Variants in LINGO2 observed in about 807,000 individuals in gnomAD.
LINGO2 encodes the protein leucine rich repeat and Ig domain containing 2.
Under a neutral mutation model 30.6 loss-of-function variants are expected in LINGO2, and 14 were observed. The ratio of observed to expected loss-of-function variants is 0.46; its 90% CI spans 0.30 to 0.72. The LOEUF (loss-of-function observed/expected upper bound fraction) is 0.72, where lower values mean the gene tolerates loss of function less well. LINGO2 is among the 30% of genes least tolerant of loss of function. LINGO2 has a pLI of 0.07. For missense variants in LINGO2, 729 were observed against 751.7 expected, an observed-to-expected ratio of 0.97 and a Z score of 0.35; for synonymous variants, 317 against 288.5, an observed-to-expected ratio of 1.10 and a Z score of -1.00.
At chr9:28,132,199 G>A (rs573498845) in intron 4 of LINGO2, among the ~76,000 whole-genome samples, 64 of 152,172 alleles carry the variant, frequency 4.2e-4, no homozygotes, top group Middle Eastern at 6.8e-3. Flanking sequence ...GTTCTATGTC[G>A]TCTATGTTTC....
At chr9:28,766,514 A>G in the LINGO2 span, among the ~76,000 whole-genome samples, 1 of 151,952 alleles carries the variant, frequency 6.6e-6, no homozygotes, top group African/African-American at 2.4e-5. Context: ...GAAAAATAAT[A>G]TAAAGATTCC....
rs115592906 is a variant in LINGO2, at chr9:27,999,904, A to C, written c.-36+12451T>G. On this transcript the variant is annotated intron_variant, in intron 5 of 5. Transcript: ENST00000379992. ...AATCACTTTTGCACCAACCTAATAA[A>C]AGGCAATAAAATGGATTTTAAATAA... Among the ~76,000 whole-genome samples, 467 of 152,270 alleles carry C rather than the reference A, an allele frequency of 3.1e-3. 2 individuals are homozygous for C. The highest frequency in any genetic ancestry group is 0.011 in the African/African-American group (447 of 41,568).
chr9:27,961,612 C>G (rs1819851293), intron 5 of LINGO2, among the ~76,000 whole-genome samples: 1 of 152,128 alleles, frequency 6.6e-6, no homozygotes, highest in Admixed American at 6.5e-5. Context: ...AATGGCAAGC[C>G]ATTAAAGTGT....
chr9:28,149,679 G>C (rs1434528046), intron 4 of LINGO2, among the ~76,000 whole-genome samples: 11 of 150,538 alleles, frequency 7.3e-5, no homozygotes. Flanking sequence ...TTACACTCTG[G>C]GAAGTGAGGA....
At chr9:28,606,810 T>A (rs988243005) in intron 1 of LINGO2, among the ~76,000 whole-genome samples, 5 of 152,086 alleles carry the variant, frequency 3.3e-5, no homozygotes, top group Non-Finnish European at 4.4e-5. Context: ...AATTGAATCA[T>A]AAAACGAGTT....
At position 28,537,880 on chromosome 9, in the gene LINGO2, A is replaced by C. The variant is rs566562277; in HGVS notation, c.-364-61855T>G. ...TCAAAAGTGTTAAATTAAAAAAAAA[A>C]AAAACTTAAACACTTCTTTTAGAAG... On this transcript the variant is annotated intron_variant, in intron 1 of 5. Coordinates refer to ENST00000379992, the Ensembl canonical transcript of LINGO2. 2.0e-4 allele frequency among the ~76,000 whole-genome samples: 30 copies of C among 152,032 alleles called. No individual in the cohort carries two copies. The South Asian group carries it at 6.2e-3, about 31-fold the overall frequency.
rs1712490847 is a variant in LINGO2, at chr9:28,513,265, T to C, written c.-364-37240A>G. Among the ~76,000 whole-genome samples, 5 of 152,338 alleles carry C rather than the reference T, an allele frequency of 3.3e-5. No individual in the cohort carries two copies. In the East Asian group the frequency reaches 9.6e-4, roughly 29 times the overall value. ...GTCAACCAATCTGCAATCAATGCAA[T>C]TTCTATTTATGCACTAACTACTATG... is the stretch of plus-strand genomic sequence containing the variant. On this transcript the variant is annotated intron_variant, in intron 1 of 5. Coordinates refer to ENST00000379992, the Ensembl canonical transcript of LINGO2.
the LINGO2 span, among the ~76,000 whole-genome samples, chr9:28,999,812 A>G: frequency 6.6e-6 from 1 of 152,018 alleles, no homozygotes; most frequent in Non-Finnish European, 1.5e-5. Context: ...TTCTCAGTAG[A>G]AAACATTTTT....
intron 1 of LINGO2, among the ~76,000 whole-genome samples, chr9:28,481,706 C>T (rs1314786716): frequency 2.6e-5 from 4 of 152,036 alleles, no homozygotes; most frequent in Non-Finnish European, 4.4e-5. Flanking sequence ...ATGTGCATTG[C>T]TGGTGCGCTG....
At chr9:29,204,913 G>A in the LINGO2 span, among the ~76,000 whole-genome samples, 1 of 152,144 alleles carries the variant, frequency 6.6e-6, no homozygotes, top group African/African-American at 2.4e-5. Context: ...TCACCATTAA[G>A]TATGATATTA....
intron 1 of LINGO2, among the ~76,000 whole-genome samples, chr9:28,567,727 G>A (rs1823456143): frequency 6.6e-6 from 1 of 151,886 alleles, no homozygotes; most frequent in African/African-American, 2.4e-5. Context: ...GGGTTCATTA[G>A]AAGCACAAAC....
the LINGO2 span, among the ~76,000 whole-genome samples, chr9:28,876,230 T>C: frequency 5.3e-4 from 81 of 151,982 alleles, no homozygotes; most frequent in African/African-American, 1.8e-3. Context: ...GCCTACGATA[T>C]AGTATTATTA....
intron 5 of LINGO2, among the ~76,000 whole-genome samples, chr9:27,987,135 C>T (rs1930008): frequency 0.39 from 59,862 of 151,618 alleles, 11,915 homozygotes; most frequent in African/African-American, 0.47. Flanking sequence ...TCAAGGGGTA[C>T]TTATGAGGAT....
chr9:28,489,975 T>C (rs1340311399), intron 1 of LINGO2, among the ~76,000 whole-genome samples: 1 of 151,126 alleles, frequency 6.6e-6, no homozygotes, highest in Non-Finnish European at 1.5e-5. Flanking sequence ...AAGTATATAA[T>C]TCCAATTAGC....
intron 1 of LINGO2, among the ~76,000 whole-genome samples, chr9:28,646,505 T>C (rs1031395886): frequency 3.3e-5 from 5 of 152,044 alleles, no homozygotes; most frequent in African/African-American, 7.2e-5. Context: ...AACCATTAAG[T>C]TGTAGTCTGG....
chr9:28,843,477 A>G, the LINGO2 span, among the ~76,000 whole-genome samples: 1 of 151,826 alleles, frequency 6.6e-6, no homozygotes, highest in East Asian at 1.9e-4. Flanking sequence ...AGATAATGGC[A>G]AAGAGAAGAA....
chr9:28,147,230 G>C lies in LINGO2; in HGVS notation c.-86-134825C>G, dbSNP rs1827838813. ...AAATAAGAATAGATGTTGTATCCAT[G>C]ATCATGAGGCACACAGGCCAGAGCG... On this transcript the variant is annotated intron_variant, in intron 4 of 5. Coordinates refer to ENST00000379992, the Ensembl canonical transcript of LINGO2. This position sits in a 1 kb window ranked among gnomAD's most constrained non-coding sequence, Gnocchi z 4.7. Among the ~76,000 whole-genome samples the C allele has an allele frequency of 6.6e-6, 1 of 152,200 alleles. No homozygotes were observed. The highest frequency in any genetic ancestry group is 2.4e-5 in the African/African-American group (1 of 41,452).
the LINGO2 span, among the ~76,000 whole-genome samples, chr9:29,125,509 G>A: frequency 6.6e-6 from 1 of 152,024 alleles, no homozygotes. Context: ...GACAAAATTT[G>A]ATAAATCCAC....
chr9:28,771,451 TGGTGTGTGTG>T, the LINGO2 span, among the ~76,000 whole-genome samples: 1 of 91,118 alleles, frequency 1.1e-5, no homozygotes, highest in African/African-American at 3.8e-5. Context: ...CTTTCCTATT[TGGTGTGTGTG>T]TGTGTGTGTG....
Sources: allele counts gnomAD v4.1 joint callset (sites outside exome capture counted in the v4.1 genomes callset), GRCh38; gene constraint gnomAD v4.1.1; non-coding constraint Gnocchi (gnomAD v3.1); transcripts MANE v1.5; gene names NCBI Gene and HGNC (gene_info 2026-07-23, HGNC 2026-07-21).